SAMD4B: variants seen among roughly 807,000 people sequenced by gnomAD.
SAMD4B encodes the protein sterile alpha motif domain containing 4B, also known as protein Smaug homolog 2.
In SAMD4B, 5 loss-of-function variants were observed where a neutral mutation model predicts 74.5. That is an observed-to-expected ratio of 0.07 (90% CI 0.04 to 0.14). SAMD4B has a LOEUF of 0.14. Ranked by LOEUF, SAMD4B falls within the 10% of genes least tolerant of loss-of-function variation. SAMD4B has a pLI of 1.00. For synonymous variants in SAMD4B, 373 were observed against 374.9 expected, an observed-to-expected ratio of 1.00 and a Z score of 0.06; for missense variants, 608 against 921.8, an observed-to-expected ratio of 0.66 and a Z score of 4.41.
chr19:39,370,804 G>A (rs891303483), intron 4 of SAMD4B, among the ~76,000 whole-genome samples: 1 of 152,220 alleles, frequency 6.6e-6, no homozygotes, highest in Non-Finnish European at 1.5e-5. Context: ...CTCTTTTATA[G>A]ACACTTTTCA....
At chr19:39,365,379 G>C (rs2076901170) in intron 3 of SAMD4B, among the ~76,000 whole-genome samples, 1 of 151,498 alleles carries the variant, frequency 6.6e-6, no homozygotes, top group African/African-American at 2.4e-5. Context: ...TATGGCAAAA[G>C]CCCGTCTCTA....
intron 3 of SAMD4B, among the ~76,000 whole-genome samples, chr19:39,363,968 G>T (rs2076802942): frequency 6.6e-6 from 1 of 152,186 alleles, no homozygotes; most frequent in Non-Finnish European, 1.5e-5. Flanking sequence ...ACCCCAAGGG[G>T]CCTGAGGCTG....
rs989969818 is a variant in SAMD4B, at chr19:39,379,989, A to G, written c.1554A>G (p.Lys518=). 6.2e-7 allele frequency: 1 copy of G among 1,613,970 alleles called. No homozygotes were observed. Among genetic ancestry groups the G allele is most frequent in the Non-Finnish European group, 8.5e-7 (1 of 1,179,938 alleles). Residue 518 remains lysine, a synonymous_variant, in exon 10 of 14, where the codon AAA becomes AAG. Coordinates refer to ENST00000610417, the MANE Select transcript of SAMD4B (RefSeq NM_001384574.2). ...AGGCTTTCACGGAGACGCAGAAGAAACGGCTGCTATCCTGGAAACAGCAAG... is the reference window on the plus strand; with the variant it reads ...AGGCTTTCACGGAGACGCAGAAGAAGCGGCTGCTATCCTGGAAACAGCAAG... ...THEAFTETQK[K]RLLSWKQQVL...
At chr19:39,360,526 G>A (rs1395587048) in intron 3 of SAMD4B, among the ~76,000 whole-genome samples, 1 of 152,204 alleles carries the variant, frequency 6.6e-6, no homozygotes, top group Non-Finnish European at 1.5e-5. Flanking sequence ...AGCAAAGCAT[G>A]ACTTGAAAGA....
chr19:39,357,117 C>T, intron 3 of SAMD4B, 28 bp downstream of exon 3: 1 of 1,570,616 alleles, frequency 6.4e-7, no homozygotes. Flanking sequence ...GAGATGGGAG[C>T]ACAGCAGGAG....
At position 39,375,118 on chromosome 19, in the gene SAMD4B, A is replaced by C. The variant is rs1170652722; in HGVS notation, c.668-532A>C. On this transcript the variant is annotated intron_variant, in intron 4 of 13. Transcript: ENST00000610417. This position sits in a 1 kb window ranked among gnomAD's most constrained non-coding sequence, Gnocchi z 4.1. ...AACAACCTTGAGTGTTTCAGGAACAAAGGGGAGTTTGGGAGGAGGCAAAGG... is the reference window on the plus strand; with the variant it reads ...AACAACCTTGAGTGTTTCAGGAACACAGGGGAGTTTGGGAGGAGGCAAAGG... Among the ~76,000 whole-genome samples the C allele has an allele frequency of 5.3e-5, 8 of 152,192 alleles. No homozygotes were observed. Among genetic ancestry groups the C allele is most frequent in the Non-Finnish European group, 1.2e-4 (8 of 68,030 alleles).
chr19:39,390,430 T>C (rs1220945720), downstream of SAMD4B: 1 of 763,186 alleles, frequency 1.3e-6, no homozygotes, highest in Admixed American at 2.3e-5. Flanking sequence ...AGTGTCCAAA[T>C]GCTTTAATGG....
chr19:39,367,518 T>C (rs2077032623), intron 3 of SAMD4B, among the ~76,000 whole-genome samples: 4 of 146,262 alleles, frequency 2.7e-5, no homozygotes. Flanking sequence ...TTTTTTTTTT[T>C]TTTTTTTTTG....
Position 39,383,352 on chromosome 19 carries a change from T to C in SAMD4B, c.2056+61T>C. 2.5e-6 allele frequency: 4 copies of C among 1,592,078 alleles called. No individual in the cohort carries two copies. Among genetic ancestry groups the C allele is most frequent in the Non-Finnish European group, 3.4e-6 (4 of 1,159,930 alleles). ...CTACCCAGCGTCTCTGCCTCTGAAC[T>C]GAGCAACTCAGAGTCATCCTGAGGG... On this transcript the variant is annotated intron_variant, in intron 13 of 13. Coordinates refer to ENST00000610417, the MANE Select transcript of SAMD4B (RefSeq NM_001384574.2). This position sits in a 1 kb window ranked among gnomAD's most constrained non-coding sequence, Gnocchi z 4.1.
At chr19:39,387,235 C>T, downstream of SAMD4B, 1 of 410,568 alleles carries the variant, frequency 2.4e-6, no homozygotes, top group South Asian at 1.8e-5. Flanking sequence ...ATACTGCAGG[C>T]AATTGTAATA....
downstream of SAMD4B, among the ~76,000 whole-genome samples, chr19:39,387,397 C>T (rs1370534377): frequency 3.9e-5 from 6 of 152,138 alleles, no homozygotes; most frequent in Middle Eastern, 3.2e-3. Flanking sequence ...TTTGAGAAAC[C>T]AGGAGATGTC....
intron 3 of SAMD4B, among the ~76,000 whole-genome samples, chr19:39,368,633 G>A (rs2077112669): frequency 1.3e-5 from 2 of 152,210 alleles, no homozygotes; most frequent in African/African-American, 4.8e-5. Context: ...ACATCCTGTT[G>A]TGATTTAGGA....
At chr19:39,380,834 G>A (rs1456728258) in intron 11 of SAMD4B, 49 bp downstream of exon 11, 2 of 1,507,906 alleles carry the variant, frequency 1.3e-6, no homozygotes, top group African/African-American at 1.4e-5. Context: ...TGGGGTGGCA[G>A]TACCTGGGAT....
downstream of SAMD4B, chr19:39,389,234 G>C (rs745823582): frequency 1.9e-6 from 3 of 1,608,124 alleles, no homozygotes; most frequent in African/African-American, 4.0e-5. This position sits in a 1 kb window ranked among gnomAD's most constrained non-coding sequence, Gnocchi z 5.3. Context: ...GGGGCCACTG[G>C]ACACACCTAA....
chr19:39,389,968 G>A (rs1230400782), downstream of SAMD4B: 7 of 1,078,704 alleles, frequency 6.5e-6, no homozygotes, highest in Admixed American at 1.7e-5. This position sits in a 1 kb window ranked among gnomAD's most constrained non-coding sequence, Gnocchi z 5.3. Context: ...TGCTAGGGTA[G>A]GTACTGTGCT....
At chr19:39,369,574 A>C in intron 3 of SAMD4B, 81 bp from the exon 4 acceptor site, 1 of 1,065,866 alleles carries the variant, frequency 9.4e-7, no homozygotes, top group Non-Finnish European at 1.4e-6. Flanking sequence ...AGCTGAGGGA[A>C]TAGGCCATAG....
At chr19:39,359,257 C>T (rs1382430926) in intron 3 of SAMD4B, among the ~76,000 whole-genome samples, 1 of 152,200 alleles carries the variant, frequency 6.6e-6, no homozygotes, top group Non-Finnish European at 1.5e-5. Context: ...TGGATTACCT[C>T]TGGGTGCCAC....
At chr19:39,356,633 C>T (rs2076357508) in intron 2 of SAMD4B, 56 bp from the exon 3 acceptor site, 1 of 376,022 alleles carries the variant, frequency 2.7e-6, no homozygotes, top group African/African-American at 2.1e-5. Context: ...AACCCACACT[C>T]ACCAGGCAAG....
intron 1 of SAMD4B, chr19:39,352,536 A>G (rs1032272754): frequency 1.3e-5 from 2 of 151,118 alleles, no homozygotes; most frequent in African/African-American, 4.9e-5. Flanking sequence ...CTGGACCCAC[A>G]TTCCTTCATG....
Sources: gnomAD v4.1 joint callset for allele counts (sites outside exome capture counted in the v4.1 genomes callset) on GRCh38, gnomAD v4.1.1 for gene constraint, Gnocchi (gnomAD v3.1) non-coding constraint, MANE v1.5 for transcripts, NCBI Gene and HGNC (gene_info 2026-07-23, HGNC 2026-07-21) for gene names.